STK32C: variants seen among roughly 807,000 people sequenced by gnomAD.
STK32C encodes the protein serine/threonine-protein kinase 32C.
Under a neutral mutation model 56.5 loss-of-function variants are expected in STK32C, and 31 were observed. That is an observed-to-expected ratio of 0.55 (90% CI 0.41 to 0.74). The LOEUF is 0.74. STK32C is among the 30% of genes least tolerant of loss of function. The pLI is 0.00. For missense variants in STK32C, 544 were observed against 676.9 expected, an observed-to-expected ratio of 0.80 and a Z score of 2.18; for synonymous variants, 309 against 289.4, an observed-to-expected ratio of 1.07 and a Z score of -0.69.
chr10:132,288,575 C>T (rs914726273), intron 1 of STK32C, among the ~76,000 whole-genome samples: 2 of 152,212 alleles, frequency 1.3e-5, no homozygotes. Flanking sequence ...TTTGTCAAAA[C>T]TCATTAAATC....
intron 1 of STK32C, among the ~76,000 whole-genome samples, chr10:132,330,693 T>TTA (rs1554887100): frequency 1.4e-5 from 2 of 144,558 alleles, no homozygotes; most frequent in East Asian, 2.1e-4. Context: ...TTTTTTTTTT[T>TTA]AATTTTTGTA....
intron 1 of STK32C, among the ~76,000 whole-genome samples, chr10:132,290,504 C>A (rs933843601): frequency 6.6e-6 from 1 of 152,176 alleles, no homozygotes; most frequent in Non-Finnish European, 1.5e-5. Flanking sequence ...TATGCATGCA[C>A]GCTCATAGGA....
At chr10:132,271,316 C>T (rs1036033992) in intron 1 of STK32C, among the ~76,000 whole-genome samples, 4 of 152,130 alleles carry the variant, frequency 2.6e-5, no homozygotes, top group Non-Finnish European at 5.9e-5. Context: ...GTTCCCAGGC[C>T]CCTGGCACTC....
At chr10:132,293,548 G>A (rs966098099) in intron 1 of STK32C, among the ~76,000 whole-genome samples, 29 of 152,288 alleles carry the variant, frequency 1.9e-4, no homozygotes, top group African/African-American at 5.5e-4. Flanking sequence ...ACTGCAGAGC[G>A]TCTGCCACCC....
intron 1 of STK32C, among the ~76,000 whole-genome samples, chr10:132,254,167 G>A (rs2064020079): frequency 6.6e-6 from 1 of 152,146 alleles, no homozygotes; most frequent in Non-Finnish European, 1.5e-5. Flanking sequence ...AAATTAGCCA[G>A]GCATAGTGGC....
intron 1 of STK32C, among the ~76,000 whole-genome samples, chr10:132,314,344 G>A (rs1476295345): frequency 6.6e-6 from 1 of 152,202 alleles, no homozygotes; most frequent in Non-Finnish European, 1.5e-5. Flanking sequence ...GTTTGACTGT[G>A]ACAGACTGAG....
At chr10:132,330,214 CA>C in intron 1 of STK32C, 1 of 529,622 alleles carries the variant, frequency 1.9e-6, no homozygotes, top group Non-Finnish European at 3.4e-6. Context: ...CTACTGACTA[CA>C]AAAATTAATG....
chr10:132,282,275 G>A lies in STK32C; in HGVS notation c.262+25297C>T, dbSNP rs556721803. On this transcript the variant is annotated intron_variant, in intron 1 of 11. Transcript: ENST00000298630. The stretch of plus-strand genomic sequence containing the variant: ...CTCACAGCGCCCATCCCTGCCACAC[G>A]CCCTGCCAGCTGCGCCAGCTTCCCC... Among the ~76,000 whole-genome samples, 189 of 152,336 alleles carry A rather than the reference G, an allele frequency of 1.2e-3. 1 individual carries two copies. Among genetic ancestry groups the A allele is most frequent in the African/African-American group, 4.1e-3 (169 of 41,572 alleles).
rs370351692 is a variant in STK32C, at chr10:132,225,563, G to A, written c.736C>T (p.Arg246Trp). Residue 246 changes from arginine to tryptophan, a missense_variant, in exon 6 of 12, where the codon CGG (arginine) becomes TGG (tryptophan). Coordinates refer to ENST00000298630, the MANE Select transcript of STK32C (RefSeq NM_173575.4). Reference sequence around the variant, plus strand: ...TTGGTGCCTGCTAATGCCGTCGCCCGCTCCCCGTCCTTGATGATGGTGGCA... The same window carrying A: ...TTGGTGCCTGCTAATGCCGTCGCCCACTCCCCGTCCTTGATGATGGTGGCA... ...NIATIIKDGE[R>W]ATALAGTKPY... 1.5e-4 allele frequency: 245 copies of A among 1,613,798 alleles called. 1 individual carries two copies. The highest frequency in any genetic ancestry group is 1.2e-3 in the Admixed American group (71 of 60,014).
intron 10 of STK32C, among the ~76,000 whole-genome samples, chr10:132,210,794 C>A (rs182666275): frequency 6.6e-6 from 1 of 152,224 alleles, no homozygotes; most frequent in Admixed American, 6.5e-5. Flanking sequence ...AGCTCACGTT[C>A]CCCACCCCGA....
At chr10:132,311,750 C>A (rs2066226893), upstream of STK32C, among the ~76,000 whole-genome samples, 1 of 152,222 alleles carries the variant, frequency 6.6e-6, no homozygotes, top group Admixed American at 6.5e-5. This position sits in a 1 kb window ranked among gnomAD's most constrained non-coding sequence, Gnocchi z 4.4. Context: ...CCCTTTTCTT[C>A]CTCTATAAGG....
At chr10:132,326,925 G>C (rs1232514164) in intron 1 of STK32C, among the ~76,000 whole-genome samples, 1 of 152,150 alleles carries the variant, frequency 6.6e-6, no homozygotes, top group African/African-American at 2.4e-5. Context: ...TTAATTACTG[G>C]AAAAACATCA....
At chr10:132,245,870 G>A (rs1316718157) in intron 2 of STK32C, 30 bp downstream of exon 2, 1 of 1,607,508 alleles carries the variant, frequency 6.2e-7, no homozygotes, top group Non-Finnish European at 8.5e-7. Flanking sequence ...TGCCCCCTCA[G>A]CCCAGTCCCC....
intron 2 of STK32C, 55 bp downstream of exon 2, chr10:132,245,845 C>G: frequency 6.4e-7 from 1 of 1,561,780 alleles, no homozygotes; most frequent in Admixed American, 1.7e-5. Flanking sequence ...ATGTCCGACT[C>G]CACGGTTCTG....
At chr10:132,325,501 C>G (rs767731751) in intron 1 of STK32C, among the ~76,000 whole-genome samples, 2 of 150,470 alleles carry the variant, frequency 1.3e-5, no homozygotes, top group African/African-American at 4.9e-5. Context: ...TCCAGTGAGC[C>G]GAGATCGCAC....
At position 132,258,314 on chromosome 10, in the gene STK32C, G is replaced by A. The variant is rs370442574; in HGVS notation, c.263-12359C>T. 4.6e-5 allele frequency among the ~76,000 whole-genome samples: 7 copies of A among 152,356 alleles called. No homozygotes were observed. The South Asian group carries it at 1.4e-3, about 32-fold the overall frequency. On this transcript the variant is annotated intron_variant, in intron 1 of 11. Coordinates refer to ENST00000298630, the MANE Select transcript of STK32C (RefSeq NM_173575.4). Reference sequence around the variant, plus strand: ...CTGATTTTCACACACATTAGCACTTGGTAGAGTGGAAAGCACCTTTCCCCA... The same window carrying A: ...CTGATTTTCACACACATTAGCACTTAGTAGAGTGGAAAGCACCTTTCCCCA...
chr10:132,328,840 T>G (rs2066563564), intron 1 of STK32C, among the ~76,000 whole-genome samples: 1 of 152,244 alleles, frequency 6.6e-6, no homozygotes, highest in Non-Finnish European at 1.5e-5. Flanking sequence ...CGGCCCAGCC[T>G]CTTGCTGGCT....
chr10:132,307,961 AC>A (rs2066132821), upstream of STK32C: 2 of 972,232 alleles, frequency 2.1e-6, no homozygotes, highest in Non-Finnish European at 2.4e-6. The surrounding 1 kb of genome is among the most constrained non-coding windows in gnomAD (Gnocchi z 4.4). Flanking sequence ...GGGCGGTGGA[AC>A]CCGCCCCGTA....
intron 10 of STK32C, among the ~76,000 whole-genome samples, chr10:132,222,187 G>A (rs1188805459): frequency 4.0e-5 from 4 of 99,580 alleles, no homozygotes; most frequent in African/African-American, 8.0e-5. Flanking sequence ...ACCAAAGCCA[G>A]CACACCTGGG....
Sources: allele counts gnomAD v4.1 joint callset (sites outside exome capture counted in the v4.1 genomes callset), GRCh38; gene constraint gnomAD v4.1.1; non-coding constraint Gnocchi (gnomAD v3.1); transcripts MANE v1.5; gene names NCBI Gene and HGNC (gene_info 2026-07-23, HGNC 2026-07-21).